Variants in CSMD1 observed in about 807,000 individuals in gnomAD.
CSMD1 encodes the protein CUB and Sushi multiple domains 1, also known as CUB and sushi domain-containing protein 1.
Under a neutral mutation model 417.5 loss-of-function variants are expected in CSMD1, and 213 were observed. That is an observed-to-expected ratio of 0.51 (90% CI 0.46 to 0.57). The LOEUF is 0.57. CSMD1 is among the 20% of genes least tolerant of loss of function. The pLI, the probability that CSMD1 is intolerant of heterozygous loss-of-function variation, is 0.00. For missense variants in CSMD1, 6,923 were observed against 4,529.7 expected (o/e 1.53, Z -15.17); for synonymous variants, 2,862 against 1,736.8 (o/e 1.65, Z -16.11).
chr8:2,998,265 C>T (rs1167371320), intron 53 of CSMD1, 81 bp from the exon 54 acceptor site: 9 of 1,424,166 alleles, frequency 6.3e-6, no homozygotes, highest in Non-Finnish European at 8.8e-6. Flanking sequence ...AAGAAACATG[C>T]AGGCATGCTA....
chr8:3,935,966 T>C (rs1365220001), intron 5 of CSMD1, among the ~76,000 whole-genome samples: 1 of 152,164 alleles, frequency 6.6e-6, no homozygotes, highest in Non-Finnish European at 1.5e-5. Context: ...GAAAAGTTCT[T>C]GAAATATAGT....
chr8:4,514,837 A>G (rs2130363425), intron 2 of CSMD1, among the ~76,000 whole-genome samples: 1 of 152,316 alleles, frequency 6.6e-6, no homozygotes, highest in South Asian at 2.1e-4. Context: ...TCCAACTTGT[A>G]CAGGTAGAGA....
intron 2 of CSMD1, among the ~76,000 whole-genome samples, chr8:4,462,602 C>G (rs190621536): frequency 2.0e-5 from 3 of 152,042 alleles, no homozygotes; most frequent in Non-Finnish European, 4.4e-5. Context: ...TCTAGGAAAC[C>G]GCATTGATCA....
At position 4,004,176 on chromosome 8, in the gene CSMD1, G is replaced by C. The variant is rs1230283243; in HGVS notation, c.611-6066C>G. 2.0e-5 allele frequency among the ~76,000 whole-genome samples: 3 copies of C among 151,796 alleles called. No homozygotes were observed. The South Asian group carries it at 6.2e-4, about 32-fold the overall frequency. On this transcript the variant is annotated intron_variant, in intron 4 of 69. Transcript: ENST00000635120. ...AATATAAACATTTTAATATAATTGT[G>C]GTATTATAGTAATATAATTGTTATG...
At chr8:3,596,707 C>G (rs951539025) in intron 8 of CSMD1, among the ~76,000 whole-genome samples, 1 of 152,218 alleles carries the variant, frequency 6.6e-6, no homozygotes, top group Non-Finnish European at 1.5e-5. Context: ...GCTTAAGGAG[C>G]ACCACACAAA....
intron 5 of CSMD1, among the ~76,000 whole-genome samples, chr8:3,969,158 GA>G (rs1812898721): frequency 6.6e-6 from 1 of 152,120 alleles, no homozygotes; most frequent in South Asian, 2.1e-4. Context: ...GCTGAGGGAG[GA>G]GAATTGCTTG....
chr8:4,706,117 G>T (rs1486886363), intron 1 of CSMD1, among the ~76,000 whole-genome samples: 2 of 149,716 alleles, frequency 1.3e-5, no homozygotes, highest in Non-Finnish European at 3.0e-5. Context: ...ATATTTTCAT[G>T]TCCTATATAT....
intron 1 of CSMD1, among the ~76,000 whole-genome samples, chr8:4,641,438 C>A (rs1191054571): frequency 6.6e-6 from 1 of 152,096 alleles, no homozygotes; most frequent in Admixed American, 6.5e-5. Context: ...TAACTTCAGT[C>A]ATTTTTAAAT....
chr8:4,135,393 A>G (rs1803366688), intron 3 of CSMD1, among the ~76,000 whole-genome samples: 1 of 114,976 alleles, frequency 8.7e-6, no homozygotes, highest in African/African-American at 3.6e-5. Flanking sequence ...AGGGGGAAGG[A>G]AGGGGAAAGA....
At chr8:3,999,087 T>C (rs1047589324) in intron 4 of CSMD1, among the ~76,000 whole-genome samples, 1 of 151,170 alleles carries the variant, frequency 6.6e-6, no homozygotes, top group Admixed American at 6.6e-5. Flanking sequence ...GAGAGAAGTA[T>C]TTTAAAATAA....
At chr8:3,500,996 G>A (rs953413534) in intron 10 of CSMD1, among the ~76,000 whole-genome samples, 4 of 152,064 alleles carry the variant, frequency 2.6e-5, no homozygotes, top group African/African-American at 9.7e-5. Context: ...AAGAAATATT[G>A]TTGCTACTTT....
chr8:4,274,329 A>C (rs779111), intron 3 of CSMD1, among the ~76,000 whole-genome samples: 8,333 of 152,204 alleles, frequency 0.055, 344 homozygotes, highest in South Asian at 0.18. Flanking sequence ...GGGAGGAAAA[A>C]CACATGACTT....
At chr8:3,897,539 G>A (rs573296311) in intron 5 of CSMD1, among the ~76,000 whole-genome samples, 1 of 151,296 alleles carries the variant, frequency 6.6e-6, no homozygotes, top group South Asian at 2.1e-4. Flanking sequence ...TACACTATAA[G>A]TTATATAAAT....
intron 3 of CSMD1, among the ~76,000 whole-genome samples, chr8:4,353,015 G>C (rs1295716591): frequency 3.9e-5 from 6 of 152,098 alleles, no homozygotes; most frequent in African/African-American, 1.4e-4. Context: ...ATTTCCTCTG[G>C]ATACTATTTC....
At chr8:4,869,618 A>C (rs562615594) in intron 1 of CSMD1, among the ~76,000 whole-genome samples, 1 of 152,200 alleles carries the variant, frequency 6.6e-6, no homozygotes, top group South Asian at 2.1e-4. Context: ...TTCTTTAAAA[A>C]GTATGAATTT....
intron 1 of CSMD1, among the ~76,000 whole-genome samples, chr8:4,882,355 G>A (rs1461917461): frequency 6.6e-6 from 1 of 151,746 alleles, no homozygotes; most frequent in Non-Finnish European, 1.5e-5. Flanking sequence ...GTTTGCTTGG[G>A]CAATGGGGAG....
At chr8:4,840,090 C>G (rs1015073795) in intron 1 of CSMD1, among the ~76,000 whole-genome samples, 3 of 91,760 alleles carry the variant, frequency 3.3e-5, no homozygotes, top group African/African-American at 1.1e-4. Context: ...TGGGAAGAGC[C>G]TACCTGTCCA....
chr8:3,754,139 C>G lies in CSMD1; in HGVS notation c.819-97G>C, dbSNP rs185642237. 1.5e-4 allele frequency: 102 copies of G among 691,920 alleles called. 1 individual carries two copies. The East Asian group carries it at 2.6e-3, about 18-fold the overall frequency. The allele number at this position is 691,920 out of a possible 1,614,324, so 42.9% of individuals were successfully genotyped here. On this transcript the variant is annotated intron_variant, in intron 5 of 69. Coordinates refer to ENST00000635120, the MANE Select transcript of CSMD1 (RefSeq NM_033225.6). Reference sequence around the variant, plus strand: ...TTGAAATCCGATTACTTAAATCCTTCATCTTGAGATGCTTAAAACAGAGGC... The same window carrying G: ...TTGAAATCCGATTACTTAAATCCTTGATCTTGAGATGCTTAAAACAGAGGC...
At chr8:3,645,130 C>T (rs1490162218) in intron 7 of CSMD1, among the ~76,000 whole-genome samples, 2 of 152,088 alleles carry the variant, frequency 1.3e-5, no homozygotes, top group Non-Finnish European at 2.9e-5. Flanking sequence ...TGTTCAAAGC[C>T]AAATCAGGAT....
Sources: gnomAD v4.1 joint callset for allele counts (sites outside exome capture counted in the v4.1 genomes callset) on GRCh38, gnomAD v4.1.1 for gene constraint, MANE v1.5 for transcripts, NCBI Gene and HGNC (gene_info 2026-07-23, HGNC 2026-07-21) for gene names.